RAPGEF4: variants seen among roughly 807,000 people sequenced by gnomAD.
The protein encoded by RAPGEF4 is Rap guanine nucleotide exchange factor 4.
In RAPGEF4, 66 loss-of-function variants were observed where a neutral mutation model predicts 147.9. The observed-to-expected ratio is 0.45, with a 90% CI of 0.37 to 0.55. The LOEUF is 0.55. RAPGEF4 is among the 20% of genes least tolerant of loss of function. The pLI, the probability that RAPGEF4 is intolerant of heterozygous loss-of-function variation, is 0.00. For missense variants in RAPGEF4, 1,071 were observed against 1,257.3 expected (o/e 0.85, Z 2.24); for synonymous variants, 419 against 442.7 (o/e 0.95, Z 0.67).
At chr2:172,898,651 TGGAG>T (rs1311890764) in intron 4 of RAPGEF4, among the ~76,000 whole-genome samples, 1 of 152,172 alleles carries the variant, frequency 6.6e-6, no homozygotes, top group Non-Finnish European at 1.5e-5. Context: ...AAGAATGTCC[TGGAG>T]GGACAGGTGG....
At position 172,897,057 on chromosome 2, in the gene RAPGEF4, T is replaced by G. The variant is rs143791153; in HGVS notation, c.445-20745T>G. On this transcript the variant is annotated intron_variant, in intron 4 of 30. Transcript: ENST00000397081. ...TGCCCAGAATTTCTGGAAAATGGCT[T>G]TCCTGCATCTTTTTCTGATCCCTCC... Among the ~76,000 whole-genome samples, 184 of 152,256 alleles carry G rather than the reference T, an allele frequency of 1.2e-3. 3 individuals are homozygous for G. Among genetic ancestry groups the G allele is most frequent in the African/African-American group, 4.1e-3 (169 of 41,546 alleles).
chr2:172,933,337 G>A (rs1686185562), intron 6 of RAPGEF4, among the ~76,000 whole-genome samples: 3 of 152,130 alleles, frequency 2.0e-5, no homozygotes, highest in Non-Finnish European at 4.4e-5. Context: ...AGGTAAGAGA[G>A]AAGGTACTCA....
intron 10 of RAPGEF4, among the ~76,000 whole-genome samples, chr2:172,972,553 A>G (rs1398600082): frequency 6.6e-6 from 1 of 152,192 alleles, no homozygotes; most frequent in African/African-American, 2.4e-5. Context: ...TCTTTACTGG[A>G]AAGATTTTGG....
intron 29 of RAPGEF4, among the ~76,000 whole-genome samples, chr2:173,044,618 C>T (rs975808469): frequency 1.3e-5 from 2 of 152,182 alleles, no homozygotes; most frequent in African/African-American, 4.8e-5. Flanking sequence ...AGGCCACGAA[C>T]TGTAGGAACA....
chr2:172,849,144 G>A (rs906510530), intron 4 of RAPGEF4, among the ~76,000 whole-genome samples: 6 of 151,218 alleles, frequency 4.0e-5, no homozygotes, highest in Admixed American at 3.9e-4. Flanking sequence ...CAGACAACTT[G>A]ATTCAGTCAG....
chr2:172,916,224 C>T (rs1684055014), intron 4 of RAPGEF4, among the ~76,000 whole-genome samples: 1 of 152,172 alleles, frequency 6.6e-6, no homozygotes, highest in Non-Finnish European at 1.5e-5. Flanking sequence ...TGGGGATTGA[C>T]ATTAAGGTGC....
chr2:172,812,142 G>C (rs757343406), intron 3 of RAPGEF4, among the ~76,000 whole-genome samples: 10 of 152,178 alleles, frequency 6.6e-5, no homozygotes, highest in Non-Finnish European at 1.3e-4. Context: ...CTACTTTTAA[G>C]ATCATATCTT....
At chr2:172,783,463 T>C (rs1246236840) in intron 1 of RAPGEF4, among the ~76,000 whole-genome samples, 1 of 152,114 alleles carries the variant, frequency 6.6e-6, no homozygotes, top group African/African-American at 2.4e-5. Flanking sequence ...TGCTCCCTAG[T>C]GGCGGCTGTG....
chr2:172,979,600 A>T (rs1691461513), intron 10 of RAPGEF4, among the ~76,000 whole-genome samples: 2 of 152,252 alleles, frequency 1.3e-5, no homozygotes, highest in Non-Finnish European at 2.9e-5. Flanking sequence ...GTGCCTTTGC[A>T]CTACCAGATA....
At chr2:172,930,516 C>G (rs1685808917) in intron 6 of RAPGEF4, among the ~76,000 whole-genome samples, 1 of 152,164 alleles carries the variant, frequency 6.6e-6, no homozygotes, top group African/African-American at 2.4e-5. Context: ...CTGTTGTTCT[C>G]TTTGTTTGCC....
intron 1 of RAPGEF4, among the ~76,000 whole-genome samples, chr2:172,788,688 C>A (rs2149528725): frequency 6.6e-6 from 1 of 151,884 alleles, no homozygotes; most frequent in Middle Eastern, 3.4e-3. Flanking sequence ...AGTTCAAGAC[C>A]ACCCTGGGCA....
chr2:172,747,585 C>T (rs944847905), intron 1 of RAPGEF4, among the ~76,000 whole-genome samples: 12 of 152,186 alleles, frequency 7.9e-5, no homozygotes, highest in African/African-American at 2.4e-4. Context: ...TCTGCCTTGG[C>T]TTCCCAAGTA....
chr2:172,838,850 G>A (rs1234910257), intron 4 of RAPGEF4, among the ~76,000 whole-genome samples: 1 of 89,152 alleles, frequency 1.1e-5, no homozygotes, highest in Non-Finnish European at 2.3e-5. Flanking sequence ...AAACGCGTTA[G>A]AGAAAACCAA....
At chr2:172,864,501 T>A (rs749257338) in intron 4 of RAPGEF4, among the ~76,000 whole-genome samples, 5 of 152,104 alleles carry the variant, frequency 3.3e-5, no homozygotes, top group African/African-American at 4.8e-5. Context: ...GTCCCCCGAT[T>A]TAGGTCCCCC....
At chr2:172,754,473 A>G (rs773064985) in intron 1 of RAPGEF4, among the ~76,000 whole-genome samples, 4 of 152,168 alleles carry the variant, frequency 2.6e-5, no homozygotes, top group Non-Finnish European at 4.4e-5. Context: ...AAGTTAAGAG[A>G]TTTAAGGTTT....
Position 172,914,493 on chromosome 2 carries a change from C to T in RAPGEF4, c.445-3309C>T, listed in dbSNP as rs550691494. ...GTATTACAAGCCTGAGCCACCACGCCCTGCCGGAAATATGCATTTTAAAAT... is the reference window on the plus strand; with the variant it reads ...GTATTACAAGCCTGAGCCACCACGCTCTGCCGGAAATATGCATTTTAAAAT... On this transcript the variant is annotated intron_variant, in intron 4 of 30. Coordinates refer to ENST00000397081, the MANE Select transcript of RAPGEF4 (RefSeq NM_007023.4). Among the ~76,000 whole-genome samples, 28 of 151,732 alleles carry T rather than the reference C, an allele frequency of 1.8e-4. No individual in the cohort carries two copies. The East Asian group carries it at 5.2e-3, about 28-fold the overall frequency.
intron 4 of RAPGEF4, among the ~76,000 whole-genome samples, chr2:172,872,164 G>A (rs1695318596): frequency 6.6e-6 from 1 of 152,038 alleles, no homozygotes; most frequent in Non-Finnish European, 1.5e-5. Context: ...GGTATATATT[G>A]TATTGTTTCC....
chr2:173,023,857 G>A (rs543475269), intron 23 of RAPGEF4, among the ~76,000 whole-genome samples: 11 of 152,306 alleles, frequency 7.2e-5, no homozygotes, highest in African/African-American at 9.6e-5. Context: ...GGGCAGCTCC[G>A]CAGAGCAGCA....
At chr2:173,013,112 C>G (rs1447897738) in intron 17 of RAPGEF4, among the ~76,000 whole-genome samples, 1 of 152,192 alleles carries the variant, frequency 6.6e-6, no homozygotes, top group African/African-American at 2.4e-5. Flanking sequence ...TGCAGTAAAC[C>G]TTTGCCTTAA....
Sources: gnomAD v4.1 joint callset for allele counts (sites outside exome capture counted in the v4.1 genomes callset) on GRCh38, gnomAD v4.1.1 for gene constraint, MANE v1.5 for transcripts, NCBI Gene and HGNC (gene_info 2026-07-23, HGNC 2026-07-21) for gene names.